The following RAD50 variants were observed in gnomAD, a reference collection of about 807,000 sequenced individuals.
RAD50 encodes the protein DNA repair protein RAD50.
Under a neutral mutation model 168.8 loss-of-function variants are expected in RAD50, and 132 were observed. The ratio of observed to expected loss-of-function variants is 0.78; its 90% CI spans 0.68 to 0.90. The LOEUF (loss-of-function observed/expected upper bound fraction) is 0.90, where lower values mean the gene tolerates loss of function less well. Ranked by LOEUF, RAD50 falls within the 40% of genes least tolerant of loss-of-function variation. The probability of loss-of-function intolerance (pLI) is 0.00; values close to 1 mark genes in which losing one functional copy is unlikely to be tolerated. For synonymous variants in RAD50, 525 were observed against 497.4 expected (o/e 1.06, Z -0.74); for missense variants, 1,347 against 1,534.4 (o/e 0.88, Z 2.04).
At chr5:132,572,260 G>A (rs1402729154) in intron 2 of RAD50, among the ~76,000 whole-genome samples, 1 of 152,100 alleles carries the variant, frequency 6.6e-6, no homozygotes, top group African/African-American at 2.4e-5. Flanking sequence ...CCATTAGGTA[G>A]GACTGAGTGA....
chr5:132,622,313 A>C (rs979595981), intron 21 of RAD50, among the ~76,000 whole-genome samples: 5 of 151,880 alleles, frequency 3.3e-5, no homozygotes, highest in Admixed American at 2.6e-4. Context: ...GATGCATGCC[A>C]CCACTCGGCT....
In RAD50 at chr5:132,566,809, A is replaced by C. The variant is rs1183943565; in HGVS notation, c.213+7442A>C. On this transcript the variant is annotated intron_variant, in intron 2 of 24. Coordinates refer to ENST00000378823, the MANE Select transcript of RAD50 (RefSeq NM_005732.4). ...CTTTTCCCTACTTTCTATGCCAAAC[A>C]TTCTGAAATTTCTGTAGTCACGTAG... Among the ~76,000 whole-genome samples the C allele has an allele frequency of 2.0e-5, 3 of 152,304 alleles. No individual in the cohort carries two copies. The South Asian group carries it at 6.2e-4, about 32-fold the overall frequency.
intron 5 of RAD50, 95 bp from the exon 6 acceptor site, chr5:132,587,467 C>T: frequency 6.6e-7 from 1 of 1,526,258 alleles, no homozygotes; most frequent in Non-Finnish European, 8.8e-7. Flanking sequence ...ATCACTTTTA[C>T]TAAATGCCTG....
Position 132,646,113 on chromosome 5 carries a change from AGC to A in RAD50, c.*3750_*3751del, listed in dbSNP as rs1306309589. 6 of 149,258 alleles carry A rather than the reference AGC, an allele frequency of 4.0e-5. No homozygotes were observed. Among genetic ancestry groups the A allele is most frequent in the East Asian group, 2.0e-4 (1 of 5,038 alleles). 9.2% of individuals were successfully genotyped at this position (149,258 alleles called of 1,614,324 possible). ...AAGACAAAAAAAAAAAAAAAAAAAA[AGC>A]AGCAGCAGCTGAAAGTTGGCAGGAG... On this transcript the variant is annotated 3_prime_UTR_variant, in exon 25 of 25. Coordinates refer to ENST00000378823, the MANE Select transcript of RAD50 (RefSeq NM_005732.4).
At chr5:132,602,725 A>G (rs1338506571) in intron 13 of RAD50, among the ~76,000 whole-genome samples, 1 of 152,230 alleles carries the variant, frequency 6.6e-6, no homozygotes, top group African/African-American at 2.4e-5. Flanking sequence ...ATATAATGCT[A>G]CTAACTAAAT....
chr5:132,595,657 A>G lies in RAD50; in HGVS notation c.2054A>G (p.Gln685Arg). The change falls in exon 13 of 25, where the codon CAG becomes CGG. Residue 685 changes from glutamine to arginine, a missense_variant. Gln to Arg is a conservative substitution (Grantham distance 43). This residue lies in a region of RAD50 where 9 missense variants were observed against 27.5 expected (regional missense o/e 0.33). Coordinates refer to ENST00000378823, the MANE Select transcript of RAD50 (RefSeq NM_005732.4). Reference sequence around the variant, plus strand: ...AACCAGTCATGTTGCCCCGTTTGTCAGAGAGTTTTTCAGACAGAGGCTGAG... The same window carrying G: ...AACCAGTCATGTTGCCCCGTTTGTCGGAGAGTTTTTCAGACAGAGGCTGAG... ...DENQSCCPVC[Q>R]RVFQTEAELQ... is the part of the protein sequence containing the mutation. 6.2e-7 allele frequency: 1 copy of G among 1,614,120 alleles called. No individual in the cohort carries two copies. The highest frequency in any genetic ancestry group is 8.5e-7 in the Non-Finnish European group (1 of 1,179,958).
In RAD50 at chr5:132,587,803, A is replaced by G. The variant is rs971177950; in HGVS notation, c.885+113A>G. On this transcript the variant is annotated intron_variant, in intron 6 of 24. Coordinates refer to ENST00000378823, the MANE Select transcript of RAD50 (RefSeq NM_005732.4). ...GAAAAAAACAAATACAGATCTTGTT[A>G]CTTCTATGTATATGTTAAAATGAAG... is the stretch of plus-strand genomic sequence containing the variant. The G allele has an allele frequency of 7.8e-6, 12 of 1,542,276 alleles. No individual in the cohort carries two copies. The African/African-American group carries it at 1.5e-4, about 19-fold the overall frequency.
chr5:132,559,888 G>A (rs576098178), intron 2 of RAD50, among the ~76,000 whole-genome samples: 65 of 152,154 alleles, frequency 4.3e-4, no homozygotes, highest in Middle Eastern at 6.8e-3. Context: ...GGCTAGCCTG[G>A]ACAATATAGT....
At chr5:132,603,066 C>T (rs1750915974) in intron 13 of RAD50, among the ~76,000 whole-genome samples, 1 of 152,148 alleles carries the variant, frequency 6.6e-6, no homozygotes, top group African/African-American at 2.4e-5. Context: ...ATTACAAAGA[C>T]TAAAACAGTA....
chr5:132,616,896 G>A (rs961048715), intron 20 of RAD50, among the ~76,000 whole-genome samples: 2 of 152,174 alleles, frequency 1.3e-5, no homozygotes, highest in Non-Finnish European at 2.9e-5. Context: ...CTTTTCTAAA[G>A]GATATAGTAA....
chr5:132,579,611 GT>G, intron 4 of RAD50, 109 bp downstream of exon 4: 1 of 1,143,508 alleles, frequency 8.7e-7, no homozygotes, highest in Non-Finnish European at 1.3e-6. Context: ...AAGGTCATCA[GT>G]TACTACCTCT....
chr5:132,582,300 C>T (rs1343999935), intron 5 of RAD50, among the ~76,000 whole-genome samples: 1 of 152,152 alleles, frequency 6.6e-6, no homozygotes, highest in East Asian at 1.9e-4. Flanking sequence ...GTGAGTAATT[C>T]TCCAAGGGTT....
At chr5:132,570,926 C>T (rs542670147) in intron 2 of RAD50, among the ~76,000 whole-genome samples, 3 of 152,154 alleles carry the variant, frequency 2.0e-5, no homozygotes, top group Non-Finnish European at 4.4e-5. Context: ...ATGTTTGACT[C>T]TTCTTTCGCT....
chr5:132,572,970 A>G (rs1326842359), intron 2 of RAD50, among the ~76,000 whole-genome samples: 1 of 152,242 alleles, frequency 6.6e-6, no homozygotes, highest in Admixed American at 6.5e-5. Flanking sequence ...TCTTTGGAGA[A>G]CCATTATTTT....
chr5:132,604,375 C>T (rs539772785), intron 15 of RAD50, among the ~76,000 whole-genome samples: 1 of 152,052 alleles, frequency 6.6e-6, no homozygotes, highest in Non-Finnish European at 1.5e-5. Context: ...AAGTGATTCT[C>T]CTGCCTCACC....
chr5:132,608,798 CTT>C (rs1751031930), intron 17 of RAD50, 73 bp downstream of exon 17: 2 of 1,506,148 alleles, frequency 1.3e-6, no homozygotes, highest in Non-Finnish European at 8.9e-7. Flanking sequence ...ACGTCGGACA[CTT>C]ATTTCACATG....
rs2149841074 is a variant in RAD50, at chr5:132,588,731, G to T, written c.1096G>T (p.Ala366Ser). 2 of 1,613,794 alleles carry T rather than the reference G, an allele frequency of 1.2e-6. No individual in the cohort carries two copies. Among genetic ancestry groups the T allele is most frequent in the Non-Finnish European group, 1.7e-6 (2 of 1,179,928 alleles). The change falls in exon 8 of 25, where the codon GCT becomes TCT. Residue 366 changes from alanine (A) to serine (S), a missense_variant. This residue lies in a region of RAD50 where 703 missense variants were observed against 767.7 expected (regional missense o/e 0.92). Coordinates refer to ENST00000378823, the MANE Select transcript of RAD50 (RefSeq NM_005732.4). ...AGATCGCCATCAAGAACATATCCGA[G>T]CTAGAGATTCATTAATTCAGTCTTT... ...QADRHQEHIR[A>S]RDSLIQSLAT...
intron 5 of RAD50, among the ~76,000 whole-genome samples, chr5:132,583,917 G>A (rs988736380): frequency 3.3e-5 from 5 of 151,794 alleles, no homozygotes; most frequent in East Asian, 1.9e-4. Context: ...GGCTGGTCTC[G>A]AACTCCCAAC....
At chr5:132,607,350 A>G (rs1751002618) in intron 16 of RAD50, among the ~76,000 whole-genome samples, 1 of 152,168 alleles carries the variant, frequency 6.6e-6, no homozygotes, top group African/African-American at 2.4e-5. Flanking sequence ...TGGTTTCAGA[A>G]CCCTTACCAA....
Sources: allele counts gnomAD v4.1 joint callset (sites outside exome capture counted in the v4.1 genomes callset), GRCh38; gene constraint gnomAD v4.1.1; regional missense constraint gnomAD v4.1.1; transcripts MANE v1.5; gene names NCBI Gene and HGNC (gene_info 2026-07-23, HGNC 2026-07-21).